The following WDR18 variants were observed in gnomAD, a reference collection of about 807,000 sequenced individuals.
The protein encoded by WDR18 is WD repeat domain 18.
WDR18 carries 33 observed loss-of-function variants against 49.6 expected under a neutral mutation model. The ratio of observed to expected loss-of-function variants is 0.67; its 90% CI spans 0.50 to 0.89. The LOEUF (loss-of-function observed/expected upper bound fraction) is 0.89. WDR18 is among the 40% of genes least tolerant of loss of function. The pLI, the probability that WDR18 is intolerant of heterozygous loss-of-function variation, is 0.00. For synonymous variants in WDR18, 315 were observed against 263.6 expected, an observed-to-expected ratio of 1.19 and a Z score of -1.89; for missense variants, 653 against 593.6, an observed-to-expected ratio of 1.10 and a Z score of -1.04.
rs2145502474 is a variant in WDR18 at position 985,959 on chromosome 19, G to A, written c.305G>A (p.Ser102Asn). 6.2e-7 allele frequency: 1 copy of A among 1,613,700 alleles called. No homozygotes were observed. The highest frequency in any genetic ancestry group is 2.2e-5 in the East Asian group (1 of 44,872). ...GLYVLAGVAE[S>N]IHLWEVSTGN... ...TACGTCCTGGCAGGAGTTGCAGAAA[G>A]CATCCACCTGTGGGAGGTAAGAGGA... Residue 102 changes from serine (S) to asparagine (N), a missense_variant, in exon 2 of 10, where the codon AGC becomes AAC. Transcript: ENST00000585809.
upstream of WDR18, among the ~76,000 whole-genome samples, chr19:983,561 CTTTT>C (rs34868789): frequency 1.4e-5 from 2 of 141,956 alleles, no homozygotes; most frequent in African/African-American, 5.1e-5. Flanking sequence ...AGCGCCCGGC[CTTTT>C]TTTTTTTTTG....
In WDR18 at chr19:984,572, G is replaced by T. The variant is rs1231872603; in HGVS notation, c.210+9G>T. The T allele has an allele frequency of 1.4e-6, 2 of 1,460,866 alleles. No homozygotes were observed. The highest frequency in any genetic ancestry group is 2.8e-5 in the East Asian group (1 of 35,156). 90.5% of individuals were successfully genotyped at this position (1,460,866 alleles called of 1,614,324 possible). A position where few individuals can be genotyped will look rare whatever the true frequency, so the allele number is the denominator to read the frequency against. ...GGGAGCTCCAGCGGAAGGTGCGGCG[G>T]TGCGGTCTCGCTGCTGGGGTCATGG... On this transcript the variant is annotated intron_variant, in intron 1 of 9. Transcript: ENST00000585809.
chr19:989,209 C>G (rs1326181580), intron 2 of WDR18, among the ~76,000 whole-genome samples: 2 of 146,812 alleles, frequency 1.4e-5, no homozygotes, highest in African/African-American at 2.5e-5. Context: ...CCCAGAGCAT[C>G]TCAGCCCTCG....
chr19:991,858 C>A (rs2038559106), intron 7 of WDR18, 97 bp from the exon 8 acceptor site: 2 of 1,173,520 alleles, frequency 1.7e-6, no homozygotes, highest in African/African-American at 2.9e-5. Flanking sequence ...CGGGGACTGG[C>A]TGGGGGCGGG....
chr19:987,838 T>G (rs1225694716), intron 2 of WDR18, among the ~76,000 whole-genome samples: 3 of 136,906 alleles, frequency 2.2e-5, no homozygotes, highest in African/African-American at 8.7e-5. Context: ...AGTTTTTTTT[T>G]TTTTTTTTTT....
chr19:991,433 C>T (rs1599447812), intron 7 of WDR18, 82 bp downstream of exon 7: 3 of 82,652 alleles, frequency 3.6e-5, no homozygotes, highest in Admixed American at 6.6e-4. Context: ...TGGGTGGGGG[C>T]GGGGACTGGT....
chr19:985,551 G>C (rs2038465859), intron 1 of WDR18, among the ~76,000 whole-genome samples: 1 of 152,090 alleles, frequency 6.6e-6, no homozygotes, highest in African/African-American at 2.4e-5. Context: ...TGGGGCACAA[G>C]CCTACTGGGC....
intron 2 of WDR18, 41 bp downstream of exon 2, chr19:986,016 C>A: frequency 1.3e-6 from 2 of 1,593,026 alleles, no homozygotes; most frequent in South Asian, 2.2e-5. Flanking sequence ...CAGGACATCT[C>A]AGCCCATCTG....
In WDR18 at chr19:985,868, C is replaced by A; in HGVS notation, c.214C>A (p.Gln72Lys). 1.2e-6 allele frequency: 2 copies of A among 1,613,780 alleles called. No individual in the cohort carries two copies. The highest frequency in any genetic ancestry group is 1.7e-6 in the Non-Finnish European group (2 of 1,179,928). Residue 72 changes from glutamine to lysine, a missense_variant, in exon 2 of 10, where the codon CAG becomes AAG. Coordinates refer to ENST00000585809, the MANE Select transcript of WDR18 (RefSeq NM_024100.4). ...ISAWELQRKD[Q>K]LQQKIMCPGP... is the part of the protein sequence containing the mutation. ...GAGGCTGACTGTGCATCCTTAGGACCAGCTCCAGCAGAAGATCATGTGCCC... is the reference window on the plus strand; with the variant it reads ...GAGGCTGACTGTGCATCCTTAGGACAAGCTCCAGCAGAAGATCATGTGCCC...
chr19:991,939 C>A lies in WDR18; in HGVS notation c.932-16C>A, dbSNP rs778514717. On this transcript the variant is annotated splice_polypyrimidine_tract_variant and intron_variant, in intron 7 of 9. Transcript: ENST00000585809. The stretch of plus-strand genomic sequence containing the variant: ...CTGGCTGGGATGGGGCGGGGCCTGA[C>A]CTCCGCGCCCCCCAGGCCCAGTCAC... 5 of 1,555,638 alleles carry A rather than the reference C, an allele frequency of 3.2e-6. No homozygotes were observed. The highest frequency in any genetic ancestry group is 2.6e-6 in the Non-Finnish European group (3 of 1,159,342).
intron 2 of WDR18, 121 bp downstream of exon 2, chr19:986,096 G>T: frequency 2.3e-6 from 2 of 876,382 alleles, no homozygotes. Context: ...CTGCTCAGGG[G>T]TTATAGCCTA....
chr19:987,829 G>GTTCTTTTTTTTTTTT (rs2038490475), intron 2 of WDR18, among the ~76,000 whole-genome samples: 1 of 91,822 alleles, frequency 1.1e-5, no homozygotes, highest in African/African-American at 5.3e-5. Flanking sequence ...GCCGCCTCCA[G>GTTCTTTTTTTTTTTT]TTTTTTTTTT....
chr19:987,797 C>A (rs550328733), intron 2 of WDR18, among the ~76,000 whole-genome samples: 1 of 149,472 alleles, frequency 6.7e-6, no homozygotes. Flanking sequence ...GTGGCACCCA[C>A]TGCCAGACCC....
chr19:991,369 CGGCCCGCGGCCA>C lies in WDR18; in HGVS notation c.931+20_931+31del. 1 of 1,510,180 alleles carries C rather than the reference CGGCCCGCGGCCA, an allele frequency of 6.6e-7. No individual in the cohort carries two copies. The highest frequency in any genetic ancestry group is 8.9e-7 in the Non-Finnish European group (1 of 1,125,156). The allele number at this position is 1,510,180 out of a possible 1,614,324, so 93.5% of individuals were successfully genotyped here. A position where few individuals can be genotyped will look rare whatever the true frequency, so the allele number is the denominator to read the frequency against. ...CCTCAAAGGTGGGCGCGCCTCTGCT[CGGCCCGCGGCCA>C]GCGCGCAGGGGAAAAAGCCAGCAGG... On this transcript the variant is annotated intron_variant, in intron 7 of 9. Coordinates refer to ENST00000585809, the MANE Select transcript of WDR18 (RefSeq NM_024100.4).
At chr19:983,630 C>T (rs1022747178), upstream of WDR18, among the ~76,000 whole-genome samples, 11 of 152,046 alleles carry the variant, frequency 7.2e-5, no homozygotes, top group African/African-American at 2.7e-4. Flanking sequence ...AAGTTAGACC[C>T]TGCTTGGCTC....
chr19:986,091 C>G, intron 2 of WDR18, 116 bp downstream of exon 2: 1 of 933,244 alleles, frequency 1.1e-6, no homozygotes, highest in Non-Finnish European at 1.7e-6. Flanking sequence ...GGTGACTGCT[C>G]AGGGGTTATA....
chr19:987,379 T>G (rs980818983), intron 2 of WDR18, among the ~76,000 whole-genome samples: 1 of 152,110 alleles, frequency 6.6e-6, no homozygotes, highest in Non-Finnish European at 1.5e-5. Flanking sequence ...AGCACAGGAA[T>G]GACAGGAGGC....
intron 3 of WDR18, 63 bp downstream of exon 3, chr19:989,958 G>A (rs748647372): frequency 3.5e-5 from 54 of 1,534,494 alleles, no homozygotes; most frequent in Non-Finnish European, 4.4e-5. Context: ...GGGGAGAGGA[G>A]GCGCCAAGGC....
rs1042283657 is a variant in WDR18 at position 994,064 on chromosome 19, C to G, written c.1143C>G (p.Ala381=). The G allele has an allele frequency of 1.5e-5, 24 of 1,560,414 alleles. No individual in the cohort carries two copies. The highest frequency in any genetic ancestry group is 6.8e-5 in the African/African-American group (5 of 73,578). Reference sequence around the variant, plus strand: ...TGGACCGCACGGAGCAGCTGCAGGCCGTCCTGTGCAGCACCATGGAGAAGG... The same window carrying G: ...TGGACCGCACGGAGCAGCTGCAGGCGGTCCTGTGCAGCACCATGGAGAAGG... ...SYLDRTEQLQ[A]VLCSTMEKSV... The change falls in exon 9 of 10, where the codon GCC becomes GCG. Residue 381 remains alanine, a synonymous_variant. Transcript: ENST00000585809.
Sources: gnomAD v4.1 joint callset for allele counts (sites outside exome capture counted in the v4.1 genomes callset) on GRCh38, gnomAD v4.1.1 for gene constraint, MANE v1.5 for transcripts, NCBI Gene and HGNC (gene_info 2026-07-23, HGNC 2026-07-21) for gene names.